SPTAN1: variants seen among roughly 807,000 people sequenced by gnomAD.
The protein encoded by SPTAN1 is spectrin alpha chain, non-erythrocytic 1.
Under a neutral mutation model 331.3 loss-of-function variants are expected in SPTAN1, and 61 were observed. That is an observed-to-expected ratio of 0.18 (90% CI 0.15 to 0.23). The LOEUF (loss-of-function observed/expected upper bound fraction) is 0.23, where lower values mean the gene tolerates loss of function less well. Among genes scored for constraint, SPTAN1 ranks in the 10% least tolerant of loss-of-function variants. The pLI is 1.00. For missense variants in SPTAN1, 2,043 were observed against 3,147.9 expected (o/e 0.65, Z 8.40); for synonymous variants, 1,153 against 1,173.9 (o/e 0.98, Z 0.36).
At chr9:128,561,662 C>CA (rs762156669) in intron 1 of SPTAN1, among the ~76,000 whole-genome samples, 1,418 of 15,948 alleles carry the variant, frequency 0.089, 414 homozygotes, top group Non-Finnish European at 0.13. Flanking sequence ...GACTCCGTCT[C>CA]AAAAAAAAAA....
rs1443144335 is a variant in SPTAN1 at position 128,582,571 on chromosome 9, T to C, written c.1650+15T>C. ...GCCGAGATGCTGTAAGTTTGTAGGT[T>C]CTTCATGCTCCTCCTTTTTGGTACA... On this transcript the variant is annotated intron_variant, in intron 13 of 56. Transcript: ENST00000372739. 5 of 1,613,364 alleles carry C rather than the reference T, an allele frequency of 3.1e-6. No individual in the cohort carries two copies. In the South Asian group the frequency reaches 5.5e-5, roughly 18 times the overall value.
intron 44 of SPTAN1, among the ~76,000 whole-genome samples, chr9:128,619,747 G>A (rs940127034): frequency 7.2e-5 from 11 of 152,158 alleles, no homozygotes; most frequent in Non-Finnish European, 1.6e-4. Flanking sequence ...CTCTTGAGGG[G>A]GACACAGTTC....
intron 1 of SPTAN1, among the ~76,000 whole-genome samples, chr9:128,554,440 T>C (rs1433561715): frequency 6.6e-6 from 1 of 152,218 alleles, no homozygotes; most frequent in African/African-American, 2.4e-5. Context: ...GTTTTAAGTA[T>C]GTCTTTTGGT....
At chr9:128,591,400 G>T (rs1853503366) in intron 21 of SPTAN1, 77 bp from the exon 22 acceptor site, 6 of 1,580,408 alleles carry the variant, frequency 3.8e-6, no homozygotes, top group Non-Finnish European at 5.2e-6. Context: ...TCTCGTGTGT[G>T]TGTATACACG....
At chr9:128,631,195 C>T (rs930608438) in intron 52 of SPTAN1, among the ~76,000 whole-genome samples, 1 of 151,702 alleles carries the variant, frequency 6.6e-6, no homozygotes, top group Non-Finnish European at 1.5e-5. Context: ...TGGTGACTTA[C>T]ACCTGTAATC....
rs746152161 is a variant in SPTAN1, at chr9:128,608,914, T to C, written c.4532T>C (p.Leu1511Pro). ...GCTCTGCAGGCCTTTGCCGACCAGC[T>C]CATCGCTGCCGGCCATTATGCCAAG... ...IAALQAFADQLIAAGHYAKGD... is the reference protein window; with the variant it reads ...IAALQAFADQPIAAGHYAKGD... Residue 1511 changes from leucine (L) to proline (P), a missense_variant, in exon 35 of 57, where the codon CTC becomes CCC. By Grantham distance (98) the Leu-to-Pro change is moderately conservative. This residue lies in a region of SPTAN1 where 40 missense variants were observed against 32.6 expected (regional missense o/e 1.23). Transcript: ENST00000372739. 3 of 1,614,184 alleles carry C rather than the reference T, an allele frequency of 1.9e-6. No homozygotes were observed. Among genetic ancestry groups the C allele is most frequent in the Non-Finnish European group, 1.7e-6 (2 of 1,180,030 alleles).
chr9:128,612,409 G>A (rs1198887313), intron 39 of SPTAN1, among the ~76,000 whole-genome samples, 163 bp downstream of exon 39: 5 of 152,196 alleles, frequency 3.3e-5, no homozygotes, highest in South Asian at 2.1e-4. Flanking sequence ...GGATTTATGA[G>A]CAAAGGGAGT....
intron 27 of SPTAN1, among the ~76,000 whole-genome samples, chr9:128,600,661 TTTTTG>T (rs1434359207): frequency 6.6e-6 from 1 of 152,158 alleles, no homozygotes; most frequent in Non-Finnish European, 1.5e-5. Context: ...AAGGTGTGTT[TTTTTG>T]TTTTGTTTTG....
intron 19 of SPTAN1, 131 bp downstream of exon 19, chr9:128,586,096 A>G: frequency 1.4e-6 from 1 of 713,542 alleles, no homozygotes. Flanking sequence ...ATGTTTTGGA[A>G]TCCATTTTTC....
In SPTAN1 at chr9:128,613,377, C is replaced by T. The variant is rs749484552; in HGVS notation, c.5044-4C>T. 1.1e-4 allele frequency: 184 copies of T among 1,613,356 alleles called. No individual in the cohort carries two copies. The highest frequency in any genetic ancestry group is 1.6e-4 in the Middle Eastern group (1 of 6,084). On this transcript the variant is annotated splice_region_variant and splice_polypyrimidine_tract_variant and intron_variant, in intron 39 of 56. Transcript: ENST00000372739. ...GCCTTTGCTTTTTGTGTTTTCATTG[C>T]CAGGTGGAGGCCCTGCTGGCATCCG...
intron 37 of SPTAN1, among the ~76,000 whole-genome samples, chr9:128,610,992 T>C (rs989159280): frequency 6.6e-6 from 1 of 152,248 alleles, no homozygotes; most frequent in African/African-American, 2.4e-5. Context: ...CTGCTTTAGA[T>C]AATGAAATGT....
chr9:128,605,959 T>G (rs1855785920), intron 31 of SPTAN1, among the ~76,000 whole-genome samples: 1 of 143,260 alleles, frequency 7.0e-6, no homozygotes, highest in South Asian at 2.2e-4. Flanking sequence ...GCCACTGCAC[T>G]CCAGCCCGGG....
chr9:128,618,349 A>C (rs1025184247), intron 43 of SPTAN1, among the ~76,000 whole-genome samples: 7 of 151,714 alleles, frequency 4.6e-5, no homozygotes, highest in African/African-American at 1.5e-4. Flanking sequence ...TGAGTCCAGA[A>C]TCACACATGA....
chr9:128,567,159 A>G (rs1353840297), intron 2 of SPTAN1, among the ~76,000 whole-genome samples, 182 bp downstream of exon 2: 1 of 152,202 alleles, frequency 6.6e-6, no homozygotes. Flanking sequence ...TCTTAGAGGT[A>G]TTAATTGTCT....
chr9:128,594,821 T>TTC (rs1854029543), intron 24 of SPTAN1, among the ~76,000 whole-genome samples: 1 of 148,404 alleles, frequency 6.7e-6, no homozygotes, highest in Admixed American at 6.7e-5. Flanking sequence ...TTTTTTTTTT[T>TTC]TTCAATTTTT....
chr9:128,627,740 C>A lies in SPTAN1; in HGVS notation c.6690-185C>A. ...TTAGAGATCCCGGATTGAGTGGGACCATGCAGGGCGCGTGGTCAGCCCCAG... is the reference window on the plus strand; with the variant it reads ...TTAGAGATCCCGGATTGAGTGGGACAATGCAGGGCGCGTGGTCAGCCCCAG... On this transcript the variant is annotated intron_variant, in intron 50 of 56. Coordinates refer to ENST00000372739, the MANE Select transcript of SPTAN1 (RefSeq NM_001130438.3). The surrounding 1 kb of genome is among the most constrained non-coding windows in gnomAD (Gnocchi z 4.9). The A allele has an allele frequency of 1.2e-6, 1 of 838,446 alleles. No homozygotes were observed. Among genetic ancestry groups the A allele is most frequent in the Non-Finnish European group, 2.0e-6 (1 of 489,526 alleles). 51.9% of individuals were successfully genotyped at this position (838,446 alleles called of 1,614,324 possible).
At chr9:128,571,507 C>T (rs569674959) in intron 3 of SPTAN1, among the ~76,000 whole-genome samples, 4 of 152,260 alleles carry the variant, frequency 2.6e-5, no homozygotes, top group Admixed American at 1.3e-4. Flanking sequence ...ATTGCTTGAA[C>T]TCAGGAGGCG....
intron 40 of SPTAN1, among the ~76,000 whole-genome samples, chr9:128,614,859 A>G (rs913268643): frequency 6.6e-6 from 1 of 152,190 alleles, no homozygotes; most frequent in Non-Finnish European, 1.5e-5. Flanking sequence ...CCACTGGTCC[A>G]TCTTGGGCTT....
chr9:128,598,254 C>T, intron 24 of SPTAN1, 146 bp from the exon 25 acceptor site: 1 of 678,774 alleles, frequency 1.5e-6, no homozygotes, highest in Non-Finnish European at 2.5e-6. Flanking sequence ...CCAGCCATAG[C>T]TTATTTTTTT....
Sources: allele counts gnomAD v4.1 joint callset (sites outside exome capture counted in the v4.1 genomes callset), GRCh38; gene constraint gnomAD v4.1.1; regional missense constraint gnomAD v4.1.1; non-coding constraint Gnocchi (gnomAD v3.1); transcripts MANE v1.5; gene names NCBI Gene and HGNC (gene_info 2026-07-23, HGNC 2026-07-21).